Variants in ADCYAP1R1 observed in about 807,000 individuals in gnomAD.
ADCYAP1R1 encodes the protein ADCYAP receptor type I, also known as pituitary adenylate cyclase-activating polypeptide type I receptor.
ADCYAP1R1 carries 44 observed loss-of-function variants against 67.6 expected under a neutral mutation model. The ratio of observed to expected loss-of-function variants is 0.65; its 90% CI spans 0.51 to 0.84. The LOEUF (loss-of-function observed/expected upper bound fraction) is 0.84, where lower values mean the gene tolerates loss of function less well. Ranked by LOEUF, ADCYAP1R1 falls within the 40% of genes least tolerant of loss-of-function variation. The pLI is 0.00. For missense variants in ADCYAP1R1, 477 were observed against 587.9 expected (o/e 0.81, Z 1.95); for synonymous variants, 222 against 219.6 (o/e 1.01, Z -0.10).
rs181284480 is a variant in ADCYAP1R1, at chr7:31,086,917, C to T, written c.824-26C>T. ...GGACATGTTGGTTTTCCTGTTCTCACGGACCTCTTTTTCTTGTTCTCCCAG... is the reference window on the plus strand; with the variant it reads ...GGACATGTTGGTTTTCCTGTTCTCATGGACCTCTTTTTCTTGTTCTCCCAG... On this transcript the variant is annotated intron_variant, in intron 10 of 15. Transcript: ENST00000304166. This position sits in a 1 kb window ranked among gnomAD's most constrained non-coding sequence, Gnocchi z 5.0. 3.5e-5 allele frequency: 57 copies of T among 1,613,530 alleles called. No individual in the cohort carries two copies. The highest frequency in any genetic ancestry group is 9.9e-5 in the South Asian group (9 of 91,066).
chr7:31,109,370 A>G lies in ADCYAP1R1; in HGVS notation c.*2686A>G, dbSNP rs1796770145. 1 of 152,370 alleles carries G rather than the reference A, an allele frequency of 6.6e-6. No individual in the cohort carries two copies. Among genetic ancestry groups the G allele is most frequent in the Middle Eastern group, 3.4e-3 (1 of 294 alleles). 9.4% of individuals were successfully genotyped at this position (152,370 alleles called of 1,614,324 possible). A position where few individuals can be genotyped will look rare whatever the true frequency, so the allele number is the denominator to read the frequency against. On this transcript the variant is annotated 3_prime_UTR_variant, in exon 16 of 16. Transcript: ENST00000304166. ...TGTTTTCAAATCTGTAAAATGGGCA[A>G]TAAGACTAGATGATTTGTATATAGC... is the stretch of plus-strand genomic sequence containing the variant.
chr7:31,075,678 G>A (rs1718800357), intron 3 of ADCYAP1R1, among the ~76,000 whole-genome samples: 1 of 152,136 alleles, frequency 6.6e-6, no homozygotes, highest in Non-Finnish European at 1.5e-5. Context: ...AGGTAGGGTC[G>A]TAAATACCAT....
intron 13 of ADCYAP1R1, among the ~76,000 whole-genome samples, chr7:31,097,451 C>A (rs1796243672): frequency 6.6e-6 from 1 of 152,034 alleles, no homozygotes; most frequent in Non-Finnish European, 1.5e-5. Flanking sequence ...TCCATGAGTC[C>A]TTTTGTGCAG....
rs1025387897 is a variant in ADCYAP1R1, at chr7:31,087,672, A to G, written c.930A>G (p.Lys310=). The G allele has an allele frequency of 6.2e-7, 1 of 1,613,952 alleles. No homozygotes were observed. The highest frequency in any genetic ancestry group is 8.5e-7 in the Non-Finnish European group (1 of 1,179,920). The change falls in exon 12 of 16, where the codon AAA becomes AAG. Residue 310 remains lysine (K), a synonymous_variant. Transcript: ENST00000304166. ...GCACAGCTCTGTGGTGGGTGATCAAAGGCCCTGTGGTTGGCTCTATCATGG... is the reference window on the plus strand; with the variant it reads ...GCACAGCTCTGTGGTGGGTGATCAAGGGCCCTGTGGTTGGCTCTATCATGG... ...NDSTALWWVI[K]GPVVGSIMVN...
intron 6 of ADCYAP1R1, 60 bp downstream of exon 6, chr7:31,081,814 G>C: frequency 6.9e-7 from 1 of 1,449,208 alleles, no homozygotes; most frequent in Non-Finnish European, 9.4e-7. Flanking sequence ...CTGCTGACAT[G>C]TGAGCTTTGA....
At chr7:31,103,740 C>T (rs7806732) in intron 14 of ADCYAP1R1, among the ~76,000 whole-genome samples, 1,649 of 152,328 alleles carry the variant, frequency 0.011, 35 homozygotes, top group African/African-American at 0.037. Context: ...ACATCTAGAT[C>T]CCCAGCACAG....
At chr7:31,087,265 T>C (rs1011822380) in intron 11 of ADCYAP1R1, among the ~76,000 whole-genome samples, 1 of 152,142 alleles carries the variant, frequency 6.6e-6, no homozygotes, top group African/African-American at 2.4e-5. Context: ...TGAGTGTCTG[T>C]TTTGCTTTTA....
At chr7:31,076,789 GCCCCT>G (rs1434514130) in intron 3 of ADCYAP1R1, among the ~76,000 whole-genome samples, 1 of 152,148 alleles carries the variant, frequency 6.6e-6, no homozygotes, top group Non-Finnish European at 1.5e-5. Flanking sequence ...GCCTGTTCCT[GCCCCT>G]CCCCTTAGGG....
intron 14 of ADCYAP1R1, among the ~76,000 whole-genome samples, chr7:31,104,427 ATC>A (rs1796556292): frequency 6.6e-6 from 1 of 152,200 alleles, no homozygotes; most frequent in Admixed American, 6.5e-5. Flanking sequence ...GTATGATAGT[ATC>A]TGGCCCAAGG....
intron 12 of ADCYAP1R1, among the ~76,000 whole-genome samples, chr7:31,091,007 G>A (rs1322410629): frequency 6.6e-6 from 1 of 152,168 alleles, no homozygotes; most frequent in Non-Finnish European, 1.5e-5. Context: ...TACTTTCCAT[G>A]GTGGCTGAAT....
At chr7:31,076,406 G>A (rs1795215900) in intron 3 of ADCYAP1R1, among the ~76,000 whole-genome samples, 1 of 152,202 alleles carries the variant, frequency 6.6e-6, no homozygotes, top group Non-Finnish European at 1.5e-5. Flanking sequence ...GGCTGGCAGG[G>A]CTAGAAGGAG....
chr7:31,066,343 G>A (rs1055129830), intron 3 of ADCYAP1R1, among the ~76,000 whole-genome samples: 1 of 152,188 alleles, frequency 6.6e-6, no homozygotes, highest in Non-Finnish European at 1.5e-5. Context: ...AGGGGCTGGG[G>A]TGGGACAGGG....
At chr7:31,078,861 C>G (rs930853489) in intron 4 of ADCYAP1R1, among the ~76,000 whole-genome samples, 1 of 152,112 alleles carries the variant, frequency 6.6e-6, no homozygotes, top group African/African-American at 2.4e-5. Context: ...CTTGGAGGCG[C>G]GGGTGTGCGA....
intron 14 of ADCYAP1R1, among the ~76,000 whole-genome samples, chr7:31,103,967 G>A (rs181701561): frequency 1.3e-5 from 2 of 152,356 alleles, no homozygotes; most frequent in Admixed American, 1.3e-4. Flanking sequence ...TCCCTGGAGT[G>A]TCTGGGGATA....
chr7:31,091,827 A>C (rs1795973159), intron 12 of ADCYAP1R1, among the ~76,000 whole-genome samples: 1 of 151,736 alleles, frequency 6.6e-6, no homozygotes. Flanking sequence ...CAAAAATAAA[A>C]CTTTATTTTT....
At chr7:31,059,430 G>A (rs1038589228) in intron 1 of ADCYAP1R1, among the ~76,000 whole-genome samples, 1 of 152,182 alleles carries the variant, frequency 6.6e-6, no homozygotes, top group African/African-American at 2.4e-5. Context: ...AAAACTATCT[G>A]CCCCAACAGA....
At chr7:31,092,583 G>C (rs777550691) in intron 12 of ADCYAP1R1, 61 bp from the exon 13 acceptor site, 11 of 1,369,474 alleles carry the variant, frequency 8.0e-6, no homozygotes, top group Non-Finnish European at 1.1e-5. Context: ...TCCTGCTGGG[G>C]AAATAATAGC....
rs578022898 is a variant in ADCYAP1R1, at chr7:31,056,430, T to A, written c.-72+3752T>A. Among the ~76,000 whole-genome samples the A allele has an allele frequency of 2.0e-5, 3 of 152,282 alleles. No individual in the cohort carries two copies. The South Asian group carries it at 6.2e-4, about 32-fold the overall frequency. ...CCTAGGCACCTCTGAACTTCCCAGC[T>A]GCTGATCTAAGGCCTGTGGACTTGT... On this transcript the variant is annotated intron_variant, in intron 1 of 15. Transcript: ENST00000304166.
intron 3 of ADCYAP1R1, among the ~76,000 whole-genome samples, chr7:31,065,397 C>T (rs1017550582): frequency 3.3e-5 from 5 of 152,116 alleles, no homozygotes; most frequent in African/African-American, 9.7e-5. Context: ...GCAGGAACTT[C>T]AGTCTTGAAG....
Sources: allele counts gnomAD v4.1 joint callset (sites outside exome capture counted in the v4.1 genomes callset), GRCh38; gene constraint gnomAD v4.1.1; non-coding constraint Gnocchi (gnomAD v3.1); transcripts MANE v1.5; gene names NCBI Gene and HGNC (gene_info 2026-07-23, HGNC 2026-07-21).